CDH23: variants seen among roughly 807,000 people sequenced by gnomAD.
The protein encoded by CDH23 is cadherin related 23.
A neutral mutation model predicts 317.1 loss-of-function variants in CDH23; 189 were observed. That is an observed-to-expected ratio of 0.60 (90% CI 0.53 to 0.67). CDH23 has a LOEUF of 0.67. Among genes scored for constraint, CDH23 ranks in the 30% least tolerant of loss-of-function variants. CDH23 has a pLI of 0.00. For missense variants in CDH23, 4,401 were observed against 4,592.4 expected, an observed-to-expected ratio of 0.96 and a Z score of 1.20; for synonymous variants, 1,839 against 1,876.8, an observed-to-expected ratio of 0.98 and a Z score of 0.52.
chr10:71,406,238 G>A (rs1184476975), intron 1 of CDH23, among the ~76,000 whole-genome samples: 2 of 152,132 alleles, frequency 1.3e-5, no homozygotes, highest in African/African-American at 2.4e-5. Context: ...TTCCAAGCAG[G>A]GAGTGACACA....
At chr10:71,433,399 C>A (rs1412353450) in intron 1 of CDH23, among the ~76,000 whole-genome samples, 1 of 152,196 alleles carries the variant, frequency 6.6e-6, no homozygotes, top group East Asian at 1.9e-4. Context: ...AGGGTATATG[C>A]ATTTTCAGGC....
At chr10:71,435,613 G>C (rs1046764255) in intron 1 of CDH23, among the ~76,000 whole-genome samples, 1 of 152,204 alleles carries the variant, frequency 6.6e-6, no homozygotes, top group African/African-American at 2.4e-5. Flanking sequence ...CCTATCCCAG[G>C]TCCAAGCAGG....
intron 2 of CDH23, among the ~76,000 whole-genome samples, chr10:71,443,589 C>T (rs1272750654): frequency 2.6e-5 from 4 of 152,206 alleles, no homozygotes; most frequent in Non-Finnish European, 5.9e-5. Flanking sequence ...ATGGGGGTGG[C>T]AGAGAGGGCG....
At chr10:71,801,286 C>G (rs1269908617) in intron 53 of CDH23, among the ~76,000 whole-genome samples, 3 of 151,214 alleles carry the variant, frequency 2.0e-5, no homozygotes. Context: ...TCCCAAGTAG[C>G]TGGGATTACA....
intron 30 of CDH23, among the ~76,000 whole-genome samples, chr10:71,729,575 G>C (rs535779082): frequency 6.6e-6 from 1 of 152,332 alleles, no homozygotes; most frequent in Non-Finnish European, 1.5e-5. Flanking sequence ...CCGGGTGTGG[G>C]TGCAGTGGGG....
chr10:71,677,639 CGT>C lies in CDH23; in HGVS notation c.1700_1701del (p.Val567GlyfsTer21), dbSNP rs1184309321. ...TGCCCACCTTCCAGAAGGATGCCTA[CGT>C]GGGTGCTCTGCGGGAGAACGAGCCT... ...NVPTFQKDAYVGALRENEPSV... is the reference protein window; with the variant it reads ...NVPTFQKDAYXGALRENEPSV... On this transcript the variant is annotated frameshift_variant, in exon 16 of 70. Coordinates refer to ENST00000224721, the MANE Select transcript of CDH23 (RefSeq NM_022124.6). LOFTEE classifies it high-confidence loss of function. 6 of 1,591,012 alleles carry C rather than the reference CGT, an allele frequency of 3.8e-6. No individual in the cohort carries two copies. The African/African-American group carries it at 8.1e-5, about 21-fold the overall frequency.
chr10:71,579,174 G>A (rs1428483527), intron 9 of CDH23, among the ~76,000 whole-genome samples: 1 of 151,500 alleles, frequency 6.6e-6, no homozygotes, highest in Non-Finnish European at 1.5e-5. Context: ...ATGCTACCTT[G>A]GGAAGCTAGG....
chr10:71,746,109 C>T (rs1839848116), intron 38 of CDH23, among the ~76,000 whole-genome samples: 1 of 152,244 alleles, frequency 6.6e-6, no homozygotes, highest in Non-Finnish European at 1.5e-5. Context: ...GGTCTGCCCT[C>T]CAGGAGCCTA....
intron 38 of CDH23, among the ~76,000 whole-genome samples, chr10:71,754,717 T>G (rs975379892): frequency 6.6e-6 from 1 of 152,192 alleles, no homozygotes. Flanking sequence ...GGGACAATGG[T>G]AGGACCAAAT....
At chr10:71,448,520 G>A (rs375402996) in intron 3 of CDH23, among the ~76,000 whole-genome samples, 36 of 152,140 alleles carry the variant, frequency 2.4e-4, no homozygotes, top group Non-Finnish European at 4.4e-4. Context: ...GGGTGGGTGC[G>A]GAGCTGCCTC....
intron 6 of CDH23, among the ~76,000 whole-genome samples, chr10:71,547,863 C>T (rs1231874023): frequency 6.6e-6 from 1 of 152,166 alleles, no homozygotes; most frequent in South Asian, 2.1e-4. Flanking sequence ...TGTTTGGGAC[C>T]CAGAGAGGCC....
intron 1 of CDH23, among the ~76,000 whole-genome samples, chr10:71,411,571 T>C (rs1220205873): frequency 6.6e-6 from 1 of 152,184 alleles, no homozygotes. Context: ...CAGTTTTATA[T>C]CTTCTTTTAC....
At chr10:71,704,095 G>A (rs554328955) in intron 24 of CDH23, among the ~76,000 whole-genome samples, 1 of 152,240 alleles carries the variant, frequency 6.6e-6, no homozygotes, top group Admixed American at 6.5e-5. Context: ...AAAGTACTGA[G>A]CCCCCCGTCC....
Position 71,738,538 on chromosome 10 carries a change from G to A in CDH23, c.4250G>A (p.Arg1417Gln), listed in dbSNP as rs369353175. Residue 1417 changes from arginine (R) to glutamine (Q), a missense_variant, in exon 35 of 70, where the codon CGG (arginine) becomes CAG (glutamine). By Grantham distance (43) the Arg-to-Gln change is conservative. Coordinates refer to ENST00000224721, the MANE Select transcript of CDH23 (RefSeq NM_022124.6). ...TVLDENDNSP[R>Q]FDFTSDSAVS... Reference sequence around the variant, plus strand: ...CTGGACGAGAATGACAACAGCCCCCGGTTTGACTTCACCTCCGACTCGGCG... The same window carrying A: ...CTGGACGAGAATGACAACAGCCCCCAGTTTGACTTCACCTCCGACTCGGCG... The A allele has an allele frequency of 2.6e-5, 42 of 1,613,960 alleles. No individual in the cohort carries two copies. Among genetic ancestry groups the A allele is most frequent in the African/African-American group, 5.3e-5 (4 of 75,060 alleles).
At chr10:71,725,664 G>T in intron 30 of CDH23, 144 bp downstream of exon 30, 1 of 986,328 alleles carries the variant, frequency 1.0e-6, no homozygotes, top group Non-Finnish European at 1.5e-6. Flanking sequence ...CTAAGGGTTC[G>T]GTGACAGGTG....
At chr10:71,581,442 G>A (rs1858625018) in intron 9 of CDH23, among the ~76,000 whole-genome samples, 1 of 152,206 alleles carries the variant, frequency 6.6e-6, no homozygotes, top group Non-Finnish European at 1.5e-5. Context: ...AGCCCACAAT[G>A]GATCCGTGGC....
chr10:71,723,450 T>A (rs1220694427), intron 28 of CDH23, among the ~76,000 whole-genome samples: 1 of 152,030 alleles, frequency 6.6e-6, no homozygotes, highest in East Asian at 1.9e-4. Context: ...CATAAACACA[T>A]AAGCCTGAGT....
intron 38 of CDH23, among the ~76,000 whole-genome samples, chr10:71,769,656 A>AG (rs1387696239): frequency 6.6e-6 from 1 of 152,168 alleles, no homozygotes; most frequent in East Asian, 1.9e-4. Flanking sequence ...ACAAAGGGGA[A>AG]GTGTGTGTTT....
At chr10:71,741,390 G>T (rs1839728085) in intron 37 of CDH23, among the ~76,000 whole-genome samples, 1 of 152,142 alleles carries the variant, frequency 6.6e-6, no homozygotes. Flanking sequence ...GATTGGCTGT[G>T]TGGACTTGCA....
Sources: allele counts gnomAD v4.1 joint callset (sites outside exome capture counted in the v4.1 genomes callset), GRCh38; gene constraint gnomAD v4.1.1; transcripts MANE v1.5; gene names NCBI Gene and HGNC (gene_info 2026-07-23, HGNC 2026-07-21).